Variants in GPC5 observed in about 807,000 individuals in gnomAD.
GPC5 encodes the protein glypican 5, also known as glypican-5.
Under a neutral mutation model 53.9 loss-of-function variants are expected in GPC5, and 47 were observed. That is an observed-to-expected ratio of 0.87 (90% CI 0.69 to 1.11). The LOEUF (loss-of-function observed/expected upper bound fraction) is 1.11, where lower values mean the gene tolerates loss of function less well. Ranked by LOEUF, GPC5 falls within the 50% of genes most tolerant of loss-of-function variation. The probability of loss-of-function intolerance (pLI) is 0.00; values close to 1 mark genes in which losing one functional copy is unlikely to be tolerated. For synonymous variants in GPC5, 286 were observed against 263.3 expected, an observed-to-expected ratio of 1.09 and a Z score of -0.84; for missense variants, 748 against 713.1, an observed-to-expected ratio of 1.05 and a Z score of -0.56.
At chr13:92,247,958 C>A (rs1457648445) in intron 7 of GPC5, among the ~76,000 whole-genome samples, 1 of 151,954 alleles carries the variant, frequency 6.6e-6, no homozygotes, top group Non-Finnish European at 1.5e-5. Context: ...CTACTCTTAA[C>A]ACATTTATAA....
chr13:92,414,484 G>A (rs957876515), intron 7 of GPC5, among the ~76,000 whole-genome samples: 33 of 147,630 alleles, frequency 2.2e-4, no homozygotes, highest in Non-Finnish European at 8.9e-5. Context: ...CAGCCTGGGC[G>A]ATAGAGCGAG....
chr13:91,415,484 G>T (rs958940310), intron 1 of GPC5, among the ~76,000 whole-genome samples: 2 of 152,200 alleles, frequency 1.3e-5, no homozygotes, highest in Admixed American at 6.6e-5. Flanking sequence ...CATAGACCTG[G>T]TGTTTCACTT....
chr13:92,152,188 G>A (rs978721302), intron 7 of GPC5, among the ~76,000 whole-genome samples: 2 of 152,190 alleles, frequency 1.3e-5, no homozygotes, highest in African/African-American at 2.4e-5. Flanking sequence ...AAAGAGGAAT[G>A]ATTAAAGCTC....
intron 5 of GPC5, among the ~76,000 whole-genome samples, chr13:91,898,692 T>C (rs2039468153): frequency 6.9e-6 from 1 of 144,146 alleles, no homozygotes; most frequent in African/African-American, 2.6e-5. Flanking sequence ...AAAAAAAAAA[T>C]CTATTAGGTT....
intron 5 of GPC5, among the ~76,000 whole-genome samples, chr13:91,860,570 C>T (rs556094932): frequency 8.4e-5 from 12 of 142,134 alleles, no homozygotes; most frequent in Admixed American, 4.4e-4. Flanking sequence ...AGTGCATTGG[C>T]GTGACCTTGG....
chr13:92,622,871 C>A (rs950517554), intron 7 of GPC5, among the ~76,000 whole-genome samples: 1 of 152,064 alleles, frequency 6.6e-6, no homozygotes, highest in Non-Finnish European at 1.5e-5. Context: ...TTTTATAACT[C>A]TAAAAACACT....
At chr13:92,637,220 A>G (rs1242689433) in intron 7 of GPC5, among the ~76,000 whole-genome samples, 2 of 152,336 alleles carry the variant, frequency 1.3e-5, no homozygotes, top group Admixed American at 6.5e-5. Flanking sequence ...TAGCTAATCG[A>G]TTGCAAAATT....
intron 2 of GPC5, among the ~76,000 whole-genome samples, chr13:91,620,828 G>C (rs1008030147): frequency 6.6e-6 from 1 of 152,132 alleles, no homozygotes; most frequent in Non-Finnish European, 1.5e-5. Flanking sequence ...CATAGCTATT[G>C]CTCTGCAATA....
chr13:91,827,811 C>T (rs1042703365), intron 5 of GPC5, among the ~76,000 whole-genome samples: 1 of 152,008 alleles, frequency 6.6e-6, no homozygotes, highest in African/African-American at 2.4e-5. Flanking sequence ...ACACCACTTA[C>T]TCCTTAACTT....
intron 6 of GPC5, among the ~76,000 whole-genome samples, chr13:92,003,325 C>CAAAAAAAAA (rs57075719): frequency 7.7e-4 from 77 of 100,104 alleles, no homozygotes; most frequent in Non-Finnish European, 9.0e-4. Context: ...TGTCTTAACA[C>CAAAAAAAAA]AAAAAAAAAA....
rs372233104 is a variant in GPC5 at position 91,399,103 on chromosome 13, T to A, written c.57T>A (p.Val19=). The part of the protein sequence containing the change: ...GFRCLLLLAL[V]GSARSEGVQT... ...GCTGCCTCCTCCTTCTGGCCCTGGT[T>A]GGGTCCGCCCGCAGCGAGGGCGTGC... The change falls in exon 1 of 8, where the codon GTT becomes GTA. Residue 19 remains valine (V), a synonymous_variant. Coordinates refer to ENST00000377067, the MANE Select transcript of GPC5 (RefSeq NM_004466.6). 3.0e-5 allele frequency: 48 copies of A among 1,602,374 alleles called. No homozygotes were observed. Among genetic ancestry groups the A allele is most frequent in the Non-Finnish European group, 3.9e-5 (46 of 1,174,780 alleles).
At chr13:92,499,311 CAT>C (rs1880098796) in intron 7 of GPC5, among the ~76,000 whole-genome samples, 1 of 152,056 alleles carries the variant, frequency 6.6e-6, no homozygotes. Flanking sequence ...CTGGCAATGA[CAT>C]ATTTTTTGAG....
chr13:92,203,064 C>A (rs1056661035), intron 7 of GPC5, among the ~76,000 whole-genome samples: 52 of 152,278 alleles, frequency 3.4e-4, no homozygotes, highest in African/African-American at 1.2e-3. Context: ...CCCCATAGAA[C>A]TAGTTGATGA....
At chr13:91,881,134 C>T (rs1371342384) in intron 5 of GPC5, among the ~76,000 whole-genome samples, 1 of 151,888 alleles carries the variant, frequency 6.6e-6, no homozygotes, top group Non-Finnish European at 1.5e-5. Flanking sequence ...CAAAAGTCCC[C>T]AGAAATAATA....
At chr13:91,790,629 A>G (rs2037949400) in intron 5 of GPC5, among the ~76,000 whole-genome samples, 1 of 152,222 alleles carries the variant, frequency 6.6e-6, no homozygotes, top group African/African-American at 2.4e-5. Context: ...TGTTCAGAAC[A>G]TTTATTATTT....
intron 7 of GPC5, among the ~76,000 whole-genome samples, chr13:92,443,761 T>A (rs777566849): frequency 3.8e-4 from 58 of 152,312 alleles, no homozygotes; most frequent in Non-Finnish European, 6.6e-4. Context: ...AAAGATGCAG[T>A]AGCCTCACAT....
intron 5 of GPC5, among the ~76,000 whole-genome samples, chr13:91,828,246 C>A (rs1301354465): frequency 6.6e-6 from 1 of 151,972 alleles, no homozygotes; most frequent in East Asian, 1.9e-4. Flanking sequence ...TTGAATGGTA[C>A]ATTTAATATT....
In GPC5 at chr13:92,366,228, G is replaced by C. The variant is rs796335938; in HGVS notation, c.1561+221239G>C. Among the ~76,000 whole-genome samples the C allele has an allele frequency of 2.0e-5, 3 of 151,852 alleles. 1 individual carries two copies. Among genetic ancestry groups the C allele is most frequent in the African/African-American group, 7.3e-5 (3 of 41,136 alleles). Reference sequence around the variant, plus strand: ...ACATTGTATTTGGCAAATGATTGTAGATATTACAAAAGACAACAAGTAAAG... The same window carrying C: ...ACATTGTATTTGGCAAATGATTGTACATATTACAAAAGACAACAAGTAAAG... On this transcript the variant is annotated intron_variant, in intron 7 of 7. Transcript: ENST00000377067.
chr13:91,468,316 G>A (rs1286168827), intron 2 of GPC5, among the ~76,000 whole-genome samples: 1 of 152,068 alleles, frequency 6.6e-6, no homozygotes, highest in Admixed American at 6.6e-5. Flanking sequence ...TGAATTTTGT[G>A]TCCCCACCCT....
Sources: allele counts gnomAD v4.1 joint callset (sites outside exome capture counted in the v4.1 genomes callset), GRCh38; gene constraint gnomAD v4.1.1; transcripts MANE v1.5; gene names NCBI Gene and HGNC (gene_info 2026-07-23, HGNC 2026-07-21).